Variants in TSPAN18 observed in about 807,000 individuals in gnomAD.
The protein encoded by TSPAN18 is tetraspanin 18.
Under a neutral mutation model 27.3 loss-of-function variants are expected in TSPAN18, and 14 were observed. The observed-to-expected ratio is 0.51, with a 90% CI of 0.34 to 0.80. TSPAN18 has a LOEUF of 0.80. Among genes scored for constraint, TSPAN18 ranks in the 30% least tolerant of loss-of-function variants. The probability of loss-of-function intolerance (pLI) is 0.01; values close to 1 mark genes in which losing one functional copy is unlikely to be tolerated. For synonymous variants in TSPAN18, 143 were observed against 136.5 expected, an observed-to-expected ratio of 1.05 and a Z score of -0.33; for missense variants, 268 against 323.9, an observed-to-expected ratio of 0.83 and a Z score of 1.32.
chr11:44,755,839 T>C (rs937960456), intron 1 of TSPAN18, among the ~76,000 whole-genome samples: 2 of 152,018 alleles, frequency 1.3e-5, no homozygotes, highest in East Asian at 1.9e-4. Flanking sequence ...CAAATTCTTA[T>C]GGCCTCGGGA....
At chr11:44,771,535 A>C (rs1216471055) in intron 2 of TSPAN18, among the ~76,000 whole-genome samples, 5 of 152,338 alleles carry the variant, frequency 3.3e-5, no homozygotes, top group Non-Finnish European at 7.3e-5. Context: ...TGTGTTAATC[A>C]GCTTTTCCAG....
chr11:44,798,376 G>T (rs545263813), intron 2 of TSPAN18, among the ~76,000 whole-genome samples: 24 of 29,090 alleles, frequency 8.3e-4, no homozygotes, highest in Non-Finnish European at 2.2e-3. Context: ...AGGGAAAGAC[G>T]GGGAAAGCAA....
chr11:44,817,747 G>A (rs1856843731), intron 2 of TSPAN18, among the ~76,000 whole-genome samples: 1 of 152,228 alleles, frequency 6.6e-6, no homozygotes, highest in African/African-American at 2.4e-5. Flanking sequence ...GGGAAGACTT[G>A]GGAACCCTAA....
chr11:44,856,882 TTTCTTCTTGATCAGTGAC>T lies in TSPAN18; in HGVS notation c.-152-3444_-152-3427del, dbSNP rs1444439442. ...CCTCTGTCTTCCTAGAATTGTCACA[TTTCTTCTTGATCAGTGAC>T]TCAAACAAAACTGTTTTCCTCTCTT... On this transcript the variant is annotated intron_variant, in intron 2 of 9. Transcript: ENST00000520358. 4.2e-5 allele frequency among the ~76,000 whole-genome samples: 6 copies of T among 142,670 alleles called. No homozygotes were observed. In the South Asian group the frequency reaches 1.3e-3, roughly 31 times the overall value. 93.6% of individuals were successfully genotyped at this position (142,670 alleles called of 152,430 possible). A position where few individuals can be genotyped will look rare whatever the true frequency, so the allele number is the denominator to read the frequency against.
rs546035207 is a variant in TSPAN18, at chr11:44,771,670, A to G, written c.-153+7158A>G. On this transcript the variant is annotated intron_variant, in intron 2 of 9. Coordinates refer to ENST00000520358, the MANE Select transcript of TSPAN18 (RefSeq NM_130783.5). ...TATCTGTGGATTCAACCAACTGTGA[A>G]CCAAAAATATTCTAGAAAAAAATGC... Among the ~76,000 whole-genome samples the G allele has an allele frequency of 1.5e-4, 23 of 152,330 alleles. No homozygotes were observed. The East Asian group carries it at 4.4e-3, about 29-fold the overall frequency.
In TSPAN18 at chr11:44,773,308, A is replaced by G. The variant is rs1351101098; in HGVS notation, c.-153+8796A>G. On this transcript the variant is annotated intron_variant, in intron 2 of 9. Coordinates refer to ENST00000520358, the MANE Select transcript of TSPAN18 (RefSeq NM_130783.5). ...GCACATGCCTGTAATCCCAGCTACT[A>G]GGGAGCCTGAGACAGGAGAATTGCT... Among the ~76,000 whole-genome samples, 6 of 152,006 alleles carry G rather than the reference A, an allele frequency of 3.9e-5. No individual in the cohort carries two copies. The East Asian group carries it at 1.2e-3, about 30-fold the overall frequency.
Position 44,932,104 on chromosome 11 carries a change from T to C in TSPAN18, c.*2926T>C, listed in dbSNP as rs942558214. On this transcript the variant is annotated 3_prime_UTR_variant, in exon 10 of 10. Transcript: ENST00000520358. ...CTGTCCACAGCCTCCCTTGTCTATGTCTCTATCCATGCTTAAGGGGCCCGG... is the reference window on the plus strand; with the variant it reads ...CTGTCCACAGCCTCCCTTGTCTATGCCTCTATCCATGCTTAAGGGGCCCGG... 2 of 152,160 alleles carry C rather than the reference T, an allele frequency of 1.3e-5. No individual in the cohort carries two copies. Among genetic ancestry groups the C allele is most frequent in the Non-Finnish European group, 2.9e-5 (2 of 68,044 alleles). The allele number at this position is 152,160 out of a possible 1,614,324, so 9.4% of individuals were successfully genotyped here.
intron 2 of TSPAN18, among the ~76,000 whole-genome samples, chr11:44,822,054 G>A (rs1441980817): frequency 6.6e-6 from 1 of 152,206 alleles, no homozygotes. Flanking sequence ...AGGAGGTGTA[G>A]CCAATTCCTT....
intron 3 of TSPAN18, among the ~76,000 whole-genome samples, chr11:44,885,522 GC>G (rs140618614): frequency 0.065 from 9,914 of 152,136 alleles, 475 homozygotes; most frequent in South Asian, 0.25. Flanking sequence ...GCATTTCTCA[GC>G]TTCCCTTTGT....
At chr11:44,900,254 C>T (rs981958151) in intron 3 of TSPAN18, among the ~76,000 whole-genome samples, 3 of 152,118 alleles carry the variant, frequency 2.0e-5, no homozygotes, top group East Asian at 1.9e-4. Context: ...TTCAGCCTGG[C>T]GGTGGGTGAT....
At chr11:44,812,481 G>C (rs1856738574) in intron 2 of TSPAN18, among the ~76,000 whole-genome samples, 1 of 152,168 alleles carries the variant, frequency 6.6e-6, no homozygotes, top group Admixed American at 6.5e-5. Flanking sequence ...CTGTCATGGA[G>C]GGCAGTCCAG....
chr11:44,729,926 C>A (rs1422850934), intron 1 of TSPAN18, among the ~76,000 whole-genome samples: 1 of 152,092 alleles, frequency 6.6e-6, no homozygotes, highest in Non-Finnish European at 1.5e-5. Context: ...TCCGTGTGGC[C>A]TTGGGCAGGT....
intron 1 of TSPAN18, among the ~76,000 whole-genome samples, chr11:44,734,125 A>C (rs1195655495): frequency 6.6e-6 from 1 of 151,974 alleles, no homozygotes; most frequent in Non-Finnish European, 1.5e-5. Flanking sequence ...TGCACATGCC[A>C]GCTCCCCTTC....
intron 2 of TSPAN18, among the ~76,000 whole-genome samples, chr11:44,810,037 C>G (rs1456830722): frequency 6.6e-6 from 1 of 152,148 alleles, no homozygotes; most frequent in East Asian, 1.9e-4. Context: ...AGCTCTGGCT[C>G]AAAAACCAGT....
At chr11:44,833,097 C>T (rs550915239) in intron 2 of TSPAN18, among the ~76,000 whole-genome samples, 1 of 150,800 alleles carries the variant, frequency 6.6e-6, no homozygotes, top group African/African-American at 2.4e-5. Flanking sequence ...ACTGTCTCCT[C>T]ACTCTGGGCT....
intron 1 of TSPAN18, among the ~76,000 whole-genome samples, chr11:44,750,690 G>A (rs1457065945): frequency 2.0e-5 from 3 of 151,830 alleles, no homozygotes; most frequent in African/African-American, 7.3e-5. Flanking sequence ...GCTACATGAA[G>A]AGCTTTAGTG....
At chr11:44,768,343 T>C (rs1035149752) in intron 2 of TSPAN18, among the ~76,000 whole-genome samples, 9 of 152,228 alleles carry the variant, frequency 5.9e-5, no homozygotes, top group African/African-American at 2.2e-4. Flanking sequence ...CTCAAGTATT[T>C]TATTTCTTTA....
chr11:44,729,960 C>G (rs1032441727), intron 1 of TSPAN18, among the ~76,000 whole-genome samples: 4 of 152,156 alleles, frequency 2.6e-5, no homozygotes, highest in African/African-American at 9.7e-5. Context: ...GAGCCTGCTT[C>G]CTCCGTCTGT....
intron 2 of TSPAN18, among the ~76,000 whole-genome samples, chr11:44,828,472 G>A (rs553378691): frequency 6.1e-4 from 93 of 152,184 alleles, no homozygotes; most frequent in Admixed American, 3.1e-3. Context: ...GCCTTTGCAG[G>A]GCTGGTATTG....
Sources: gnomAD v4.1 joint callset for allele counts (sites outside exome capture counted in the v4.1 genomes callset) on GRCh38, gnomAD v4.1.1 for gene constraint, MANE v1.5 for transcripts, NCBI Gene and HGNC (gene_info 2026-07-23, HGNC 2026-07-21) for gene names.